The following TRABD2A variants were observed in gnomAD, a reference collection of about 807,000 sequenced individuals.
TRABD2A encodes the protein metalloprotease TIKI1.
In TRABD2A, 43 loss-of-function variants were observed where a neutral mutation model predicts 45.6. That is an observed-to-expected ratio of 0.94 (90% CI 0.74 to 1.22). TRABD2A has a LOEUF of 1.22. TRABD2A is among the 50% of genes most tolerant of loss of function. The pLI is 0.00. For missense variants in TRABD2A, 642 were observed against 652.4 expected, an observed-to-expected ratio of 0.98 and a Z score of 0.17; for synonymous variants, 269 against 265.0, an observed-to-expected ratio of 1.02 and a Z score of -0.15.
At chr2:84,878,054 A>C (rs1683083579) in intron 1 of TRABD2A, among the ~76,000 whole-genome samples, 1 of 152,216 alleles carries the variant, frequency 6.6e-6, no homozygotes, top group South Asian at 2.1e-4. Context: ...TAAGTGCTAT[A>C]AATAAAAATA....
At chr2:84,847,093 A>T (rs1464385467) in intron 2 of TRABD2A, among the ~76,000 whole-genome samples, 2 of 152,158 alleles carry the variant, frequency 1.3e-5, no homozygotes, top group Non-Finnish European at 2.9e-5. Flanking sequence ...CCATCTGTGG[A>T]GCTAGAGGAG....
chr2:84,841,317 G>A (rs931979293), intron 3 of TRABD2A, among the ~76,000 whole-genome samples: 3 of 152,180 alleles, frequency 2.0e-5, no homozygotes, highest in South Asian at 2.1e-4. Flanking sequence ...TAAGGCCTGA[G>A]CTGGGCAAAC....
At position 84,864,453 on chromosome 2, in the gene TRABD2A, C is replaced by T. The variant is rs551795905; in HGVS notation, c.669+5772G>A. Among the ~76,000 whole-genome samples the T allele has an allele frequency of 4.6e-5, 7 of 152,282 alleles. No homozygotes were observed. The East Asian group carries it at 5.8e-4, about 13-fold the overall frequency. On this transcript the variant is annotated intron_variant, in intron 2 of 6. Transcript: ENST00000409520. Reference sequence around the variant, plus strand: ...TTTGCTGGCTCTGGGTCTCTTCTTCCGCCTTTTGAACCTAGTGCCATCCCC... The same window carrying T: ...TTTGCTGGCTCTGGGTCTCTTCTTCTGCCTTTTGAACCTAGTGCCATCCCC...
intron 2 of TRABD2A, among the ~76,000 whole-genome samples, chr2:84,863,340 G>A (rs1682563995): frequency 6.7e-6 from 1 of 148,444 alleles, no homozygotes; most frequent in Admixed American, 6.8e-5. Flanking sequence ...CGCCTCCTGG[G>A]TTCACACCAT....
intron 1 of TRABD2A, chr2:84,879,584 C>T: frequency 6.1e-6 from 6 of 985,040 alleles, no homozygotes; most frequent in Non-Finnish European, 7.2e-6. Context: ...AGATCTTATC[C>T]AGACTCACTC....
chr2:84,845,103 C>A (rs2105384825), intron 2 of TRABD2A, among the ~76,000 whole-genome samples: 1 of 152,304 alleles, frequency 6.6e-6, no homozygotes, highest in Non-Finnish European at 1.5e-5. Flanking sequence ...GTGATCCCAG[C>A]ACTTTGGGAG....
intron 1 of TRABD2A, among the ~76,000 whole-genome samples, chr2:84,878,900 G>A (rs1683117527): frequency 6.6e-6 from 1 of 152,204 alleles, no homozygotes; most frequent in South Asian, 2.1e-4. Context: ...GTAAGACAGA[G>A]TTTGCCCACA....
At chr2:84,871,171 T>C (rs949182015) in intron 1 of TRABD2A, among the ~76,000 whole-genome samples, 2 of 152,144 alleles carry the variant, frequency 1.3e-5, no homozygotes, top group Non-Finnish European at 1.5e-5. Context: ...GAGAAAGCAA[T>C]AGCAGTCACC....
chr2:84,880,999 A>C lies in TRABD2A; in HGVS notation c.41T>G (p.Leu14Arg), dbSNP rs778888179. 10 of 1,605,894 alleles carry C rather than the reference A, an allele frequency of 6.2e-6. No homozygotes were observed. The highest frequency in any genetic ancestry group is 8.5e-6 in the Non-Finnish European group (10 of 1,177,022). ...WSWFLLQTLCLLPTGAASRRG... is the reference protein window; with the variant it reads ...WSWFLLQTLCRLPTGAASRRG... ...CCGCGAAGCTGCGCCCGTGGGCAGG[A>C]GGCAGAGGGTCTGCAGCAGGAACCA... is the stretch of plus-strand genomic sequence containing the variant. The change falls in exon 1 of 7, where the codon CTC becomes CGC. Residue 14 changes from leucine to arginine, a missense_variant. By Grantham distance (102) the Leu-to-Arg change is moderately radical (BLOSUM62 -2). Transcript: ENST00000409520.
intron 2 of TRABD2A, among the ~76,000 whole-genome samples, chr2:84,847,540 C>G (rs956799929): frequency 6.6e-6 from 1 of 152,144 alleles, no homozygotes; most frequent in Non-Finnish European, 1.5e-5. Flanking sequence ...TCCTGGAGAT[C>G]CAAAAAGGCC....
intron 2 of TRABD2A, among the ~76,000 whole-genome samples, chr2:84,844,286 T>C (rs2105384171): frequency 6.6e-6 from 1 of 152,308 alleles, no homozygotes; most frequent in South Asian, 2.1e-4. Context: ...GTCTTTCCCA[T>C]GCCGTTCTCG....
chr2:84,843,193 C>T (rs539253190), intron 2 of TRABD2A, among the ~76,000 whole-genome samples: 2 of 152,180 alleles, frequency 1.3e-5, no homozygotes, highest in African/African-American at 4.8e-5. Flanking sequence ...CTTTCTTGTG[C>T]TTCCCCAGTA....
chr2:84,823,846 G>C (rs1233405679), intron 6 of TRABD2A, 107 bp downstream of exon 6: 1 of 1,464,916 alleles, frequency 6.8e-7, no homozygotes, highest in East Asian at 2.4e-5. Context: ...AAAGGGAAAG[G>C]TTGCTCCATG....
chr2:84,848,290 T>C (rs1681964782), intron 2 of TRABD2A, among the ~76,000 whole-genome samples: 1 of 143,516 alleles, frequency 7.0e-6, no homozygotes, highest in Non-Finnish European at 1.5e-5. Flanking sequence ...TGTCAACACA[T>C]TGTATCTCTT....
At chr2:84,847,179 G>A (rs1162235650) in intron 2 of TRABD2A, among the ~76,000 whole-genome samples, 1 of 152,178 alleles carries the variant, frequency 6.6e-6, no homozygotes, top group Admixed American at 6.5e-5. Context: ...GGCACCACAG[G>A]AGCAATGCAC....
At chr2:84,852,583 C>A (rs1422808204) in intron 2 of TRABD2A, among the ~76,000 whole-genome samples, 4 of 152,090 alleles carry the variant, frequency 2.6e-5, no homozygotes, top group African/African-American at 9.7e-5. Context: ...TCCTCAGGGG[C>A]TGTTGGCAGG....
chr2:84,823,363 C>T (rs763012123), intron 6 of TRABD2A, among the ~76,000 whole-genome samples: 1 of 152,146 alleles, frequency 6.6e-6, no homozygotes, highest in Admixed American at 6.5e-5. Flanking sequence ...ACATAGCATC[C>T]GACACAACAG....
chr2:84,856,725 C>T (rs778759702), intron 2 of TRABD2A, among the ~76,000 whole-genome samples: 2 of 152,098 alleles, frequency 1.3e-5, no homozygotes, highest in Admixed American at 6.5e-5. Flanking sequence ...GTCTTCTGCT[C>T]GCTTTGGTCA....
At chr2:84,824,905 C>A (rs11675709) in intron 5 of TRABD2A, among the ~76,000 whole-genome samples, 7,251 of 152,218 alleles carry the variant, frequency 0.048, 229 homozygotes, top group African/African-American at 0.089. Flanking sequence ...GAGATTTTCA[C>A]AACTAATGGG....
Sources: gnomAD v4.1 joint callset for allele counts (sites outside exome capture counted in the v4.1 genomes callset) on GRCh38, gnomAD v4.1.1 for gene constraint, MANE v1.5 for transcripts, NCBI Gene and HGNC (gene_info 2026-07-23, HGNC 2026-07-21) for gene names.